The following MNDA variants were observed in gnomAD, a reference collection of about 807,000 sequenced individuals.
MNDA encodes epididymis secretory sperm binding protein.
A neutral mutation model predicts 37.8 loss-of-function variants in MNDA; 43 were observed. The ratio of observed to expected loss-of-function variants is 1.14; its 90% CI spans 0.89 to 1.47. MNDA has a LOEUF of 1.47. MNDA is among the 40% of genes most tolerant of loss of function. The probability of loss-of-function intolerance (pLI) is 0.00; values close to 1 mark genes in which losing one functional copy is unlikely to be tolerated. For missense variants in MNDA, 536 were observed against 476.0 expected (o/e 1.13, Z -1.17); for synonymous variants, 181 against 169.0 (o/e 1.07, Z -0.55).
At chr1:158,836,256 G>C (rs1410526447) in intron 1 of MNDA, among the ~76,000 whole-genome samples, 1 of 151,988 alleles carries the variant, frequency 6.6e-6, no homozygotes, top group Admixed American at 6.6e-5. Flanking sequence ...GAGTTTGGAA[G>C]TGTTCCCTCC....
chr1:158,845,399 G>A (rs916183850), intron 4 of MNDA, among the ~76,000 whole-genome samples, 188 bp from the exon 5 acceptor site: 4 of 152,106 alleles, frequency 2.6e-5, no homozygotes, highest in East Asian at 1.9e-4. Context: ...TACAACGCCC[G>A]GCTAGTTTTT....
At chr1:158,838,628 C>T (rs1289324923) in intron 1 of MNDA, among the ~76,000 whole-genome samples, 1 of 152,022 alleles carries the variant, frequency 6.6e-6, no homozygotes, top group East Asian at 1.9e-4. Flanking sequence ...TTAGTCTTTT[C>T]TCAAATTTGG....
At position 158,847,711 on chromosome 1, in the gene MNDA, T is replaced by C. The variant is rs747851520; in HGVS notation, c.988-17T>C. The C allele has an allele frequency of 6.2e-7, 1 of 1,603,840 alleles. No individual in the cohort carries two copies. The highest frequency in any genetic ancestry group is 1.1e-5 in the South Asian group (1 of 89,758). On this transcript the variant is annotated splice_polypyrimidine_tract_variant and intron_variant, in intron 5 of 6. Coordinates refer to ENST00000368141, the MANE Select transcript of MNDA (RefSeq NM_002432.3). ...TAACAATCCTCTCAGAAACAGGATG[T>C]TAATCTTCTTTTGCAGAAAAGCGTA...
At position 158,833,671 on chromosome 1, in the gene MNDA, C is replaced by T. The variant is rs1658850646; in HGVS notation, c.-21+2114C>T. Among the ~76,000 whole-genome samples the T allele has an allele frequency of 3.9e-5, 6 of 152,054 alleles. No homozygotes were observed. In the South Asian group the frequency reaches 1.0e-3, roughly 26 times the overall value. On this transcript the variant is annotated intron_variant, in intron 1 of 6. Coordinates refer to ENST00000368141, the MANE Select transcript of MNDA (RefSeq NM_002432.3). Reference sequence around the variant, plus strand: ...ATCATGTGTCAGAATATTCTTTCTTCCTAGGGTAGAATAATATTCCATTTC... The same window carrying T: ...ATCATGTGTCAGAATATTCTTTCTTTCTAGGGTAGAATAATATTCCATTTC...
At chr1:158,845,542 C>T in intron 4 of MNDA, 45 bp from the exon 5 acceptor site, 2 of 1,557,652 alleles carry the variant, frequency 1.3e-6, no homozygotes, top group East Asian at 2.3e-5. Flanking sequence ...GCCCGGCCTC[C>T]TGCTCAAAGT....
chr1:158,843,439 G>T, intron 3 of MNDA, 24 bp downstream of exon 3: 1 of 1,575,116 alleles, frequency 6.3e-7, no homozygotes, highest in South Asian at 1.2e-5. Flanking sequence ...AGAGGAGCAG[G>T]ACTGAAGCCT....
Position 158,842,412 on chromosome 1 carries a change from T to A in MNDA, c.259T>A (p.Ser87Thr), listed in dbSNP as rs1222819443. Reference protein sequence around the residue: ...NLVNNLRKEKSKVAKKIKTQE... With the variant: ...NLVNNLRKEKTKVAKKIKTQE... ...TGTTAACAATCTTCGAAAAGAGAAG[T>A]CAAAAGGTAATAGAGAAAACCTTGC... Residue 87 changes from serine to threonine, a missense_variant, in exon 2 of 7, where the codon TCA becomes ACA. Physicochemically the swap from Ser to Thr is moderately conservative, Grantham distance 58. Transcript: ENST00000368141. 40 of 1,610,278 alleles carry A rather than the reference T, an allele frequency of 2.5e-5. No individual in the cohort carries two copies. Among genetic ancestry groups the A allele is most frequent in the Non-Finnish European group, 3.1e-5 (37 of 1,178,714 alleles).
At chr1:158,848,561 G>C (rs182673514) in intron 6 of MNDA, among the ~76,000 whole-genome samples, 1 of 152,076 alleles carries the variant, frequency 6.6e-6, no homozygotes, top group Non-Finnish European at 1.5e-5. Flanking sequence ...AGATGAAAAA[G>C]AAATAGAAGT....
chr1:158,835,109 C>A (rs1191546117), intron 1 of MNDA, among the ~76,000 whole-genome samples: 1 of 152,128 alleles, frequency 6.6e-6, no homozygotes, highest in Non-Finnish European at 1.5e-5. Flanking sequence ...CCTTTAAATT[C>A]TACATGAATT....
In MNDA at chr1:158,845,990, T is replaced by G. The variant is rs765048342; in HGVS notation, c.974T>G (p.Phe325Cys). ...TCTGGAACAATGGTGTATGGGTTGT[T>G]TATGTTACAAAAGGTAAACCCTTAA... The part of the protein sequence containing the change: ...QASGTMVYGL[F>C]MLQKKSVHKK... Residue 325 changes from phenylalanine to cysteine, a missense_variant, in exon 5 of 7, where the codon TTT becomes TGT. Coordinates refer to ENST00000368141, the MANE Select transcript of MNDA (RefSeq NM_002432.3). 3 of 1,602,868 alleles carry G rather than the reference T, an allele frequency of 1.9e-6. No homozygotes were observed. The highest frequency in any genetic ancestry group is 2.6e-6 in the Non-Finnish European group (3 of 1,175,428).
At chr1:158,843,676 A>AT (rs1659075089) in intron 3 of MNDA, among the ~76,000 whole-genome samples, 1 of 152,108 alleles carries the variant, frequency 6.6e-6, no homozygotes, top group Non-Finnish European at 1.5e-5. Context: ...ACAAATCTAG[A>AT]TTTTCTCATT....
intron 1 of MNDA, among the ~76,000 whole-genome samples, chr1:158,841,725 TG>T (rs58504938): frequency 0.99 from 150,520 of 152,228 alleles, 74,422 homozygotes; most frequent in East Asian, 1. Flanking sequence ...TCATAGTGGA[TG>T]ACCAGGAAGA....
chr1:158,837,777 T>C (rs553600020), intron 1 of MNDA, among the ~76,000 whole-genome samples: 1 of 151,976 alleles, frequency 6.6e-6, no homozygotes, highest in South Asian at 2.1e-4. Flanking sequence ...ATTTGTTTTC[T>C]GTATGTCTTA....
chr1:158,836,862 C>A (rs1658925706), intron 1 of MNDA, among the ~76,000 whole-genome samples: 1 of 151,462 alleles, frequency 6.6e-6, no homozygotes, highest in South Asian at 2.1e-4. Context: ...TGTAAATTAC[C>A]CTCATCACCA....
In MNDA at chr1:158,842,217, T is replaced by C; in HGVS notation, c.64T>C (p.Phe22Leu). Residue 22 changes from phenylalanine to leucine, a missense_variant, in exon 2 of 7, where the codon TTT (phenylalanine) becomes CTT (leucine). Physicochemically the swap from Phe to Leu is conservative, Grantham distance 22 (BLOSUM62 0). Coordinates refer to ENST00000368141, the MANE Select transcript of MNDA (RefSeq NM_002432.3). ...ATTTGAGCTCATGGATGATTATCAT[T>C]TTACATCAATTAAGTCCTTACTGGC... is the stretch of plus-strand genomic sequence containing the variant. The part of the protein sequence containing the change: ...KGFELMDDYH[F>L]TSIKSLLAYD... 6.2e-7 allele frequency: 1 copy of C among 1,613,962 alleles called. No individual in the cohort carries two copies. The highest frequency in any genetic ancestry group is 2.2e-5 in the East Asian group (1 of 44,866).
chr1:158,849,070 G>A (rs1486901682), intron 6 of MNDA, 120 bp from the exon 7 acceptor site: 2 of 681,380 alleles, frequency 2.9e-6, no homozygotes, highest in Non-Finnish European at 4.8e-6. Context: ...TTTCATAGGG[G>A]ATAAGGAGAA....
chr1:158,835,471 G>A (rs988011641), intron 1 of MNDA, among the ~76,000 whole-genome samples: 1 of 151,968 alleles, frequency 6.6e-6, no homozygotes, highest in Non-Finnish European at 1.5e-5. Context: ...AACTTTGCTG[G>A]ATTTGTTTAT....
At chr1:158,832,202 A>G (rs1571648429) in intron 1 of MNDA, among the ~76,000 whole-genome samples, 1 of 152,110 alleles carries the variant, frequency 6.6e-6, no homozygotes, top group Admixed American at 6.5e-5. Context: ...AGAATCAATT[A>G]TATATTTCCT....
chr1:158,836,784 A>G (rs1658924629), intron 1 of MNDA, among the ~76,000 whole-genome samples: 1 of 150,374 alleles, frequency 6.7e-6, no homozygotes, highest in South Asian at 2.1e-4. Flanking sequence ...TACTTTTTTA[A>G]GTTCCTTATG....
Sources: allele counts gnomAD v4.1 joint callset (sites outside exome capture counted in the v4.1 genomes callset), GRCh38; gene constraint gnomAD v4.1.1; transcripts MANE v1.5; gene names NCBI Gene and HGNC (gene_info 2026-07-23, HGNC 2026-07-21).